SH2B2: variants seen among roughly 807,000 people sequenced by gnomAD.
SH2B2 encodes SH2B adapter protein 2.
SH2B2 carries 37 observed loss-of-function variants against 35.7 expected under a neutral mutation model. That is an observed-to-expected ratio of 1.04 (90% confidence interval 0.80 to 1.36). SH2B2 has a LOEUF of 1.36. Ranked by LOEUF, SH2B2 falls within the 40% of genes most tolerant of loss-of-function variation. The pLI is 0.00. For synonymous variants in SH2B2, 383 were observed against 376.4 expected (o/e 1.02, Z -0.20); for missense variants, 852 against 817.7 (o/e 1.04, Z -0.51).
chr7:102,300,465 CA>C (rs1257500100), intron 1 of SH2B2, 56 bp from the exon 2 acceptor site: 1 of 1,469,912 alleles, frequency 6.8e-7, no homozygotes, highest in Admixed American at 2.3e-5. Context: ...AAGGAGGGGA[CA>C]GGTGGGCGCA....
At chr7:102,303,836 C>T (rs976507990) in intron 2 of SH2B2, among the ~76,000 whole-genome samples, 1 of 152,296 alleles carries the variant, frequency 6.6e-6, no homozygotes, top group South Asian at 2.1e-4. Context: ...CTGCTGCCCT[C>T]GGAGAAGGGG....
At chr7:102,293,666 A>AG (rs1309379629) in intron 1 of SH2B2, among the ~76,000 whole-genome samples, 1 of 151,900 alleles carries the variant, frequency 6.6e-6, no homozygotes, top group African/African-American at 2.4e-5. Context: ...GCAGCCTGTG[A>AG]GGGGGAGAGG....
intron 7 of SH2B2, among the ~76,000 whole-genome samples, chr7:102,318,330 G>C (rs1205047712): frequency 6.6e-6 from 1 of 152,074 alleles, no homozygotes; most frequent in African/African-American, 2.4e-5. Flanking sequence ...GTAGAGACAG[G>C]GTTTCACCAT....
intron 8 of SH2B2, 86 bp downstream of exon 8, chr7:102,320,588 G>A (rs981388269): frequency 4.5e-5 from 67 of 1,473,038 alleles, no homozygotes; most frequent in Non-Finnish European, 4.4e-5. Flanking sequence ...GGTGGGATGA[G>A]CCCCAGGTCT....
rs1416865145 is a variant in SH2B2, at chr7:102,297,427, A to ACG, written c.-29-3094_-29-3093insGC. ...CACACACACACACACACACACACACACACGCAGTATACAGAGGTTCAGTAT... is the reference window on the plus strand; with the variant it reads ...CACACACACACACACACACACACACACGCACGCAGTATACAGAGGTTCAGTAT... On this transcript the variant is annotated intron_variant, in intron 1 of 8. Transcript: ENST00000444095. The surrounding 1 kb of genome is among the most constrained non-coding windows in gnomAD (Gnocchi z 4.3). Among the ~76,000 whole-genome samples, 3 of 151,612 alleles carry ACG rather than the reference A, an allele frequency of 2.0e-5. No homozygotes were observed. The highest frequency in any genetic ancestry group is 4.9e-5 in the African/African-American group (2 of 41,104).
At chr7:102,295,021 C>CT (rs1792847935) in intron 1 of SH2B2, among the ~76,000 whole-genome samples, 2 of 152,160 alleles carry the variant, frequency 1.3e-5, no homozygotes, top group South Asian at 4.1e-4. Flanking sequence ...AGATTCCTCT[C>CT]TAAGTTCCAC....
At chr7:102,308,397 G>T (rs1287033469) in intron 3 of SH2B2, among the ~76,000 whole-genome samples, 1 of 152,212 alleles carries the variant, frequency 6.6e-6, no homozygotes, top group East Asian at 1.9e-4. Flanking sequence ...CAGGCACTAA[G>T]ACATGCAAGC....
chr7:102,314,433 TAGGGGGAC>T lies in SH2B2; in HGVS notation c.1015+11_1015+18del. On this transcript the variant is annotated splice_region_variant and intron_variant, in intron 5 of 8. Coordinates refer to ENST00000444095, the MANE Select transcript of SH2B2 (RefSeq NM_001359228.2). ...CTGTGAGCTCCTGACTGATGGTAGG[TAGGGGGAC>T]AGGGTTGAAGGAGGGGCACACTCAG... is the stretch of plus-strand genomic sequence containing the variant. 2.5e-6 allele frequency: 1 copy of T among 398,576 alleles called. No homozygotes were observed. Among genetic ancestry groups the T allele is most frequent in the East Asian group, 3.6e-5 (1 of 28,088 alleles). 24.7% of individuals were successfully genotyped at this position (398,576 alleles called of 1,614,324 possible). A position where few individuals can be genotyped will look rare whatever the true frequency, so the allele number is the denominator to read the frequency against.
intron 1 of SH2B2, among the ~76,000 whole-genome samples, chr7:102,298,863 T>C (rs1793022368): frequency 6.6e-6 from 1 of 151,402 alleles, no homozygotes; most frequent in South Asian, 2.1e-4. Flanking sequence ...TGTAAGCCAA[T>C]GTGCCCGGCC....
At chr7:102,285,780 G>C (rs1792420770), upstream of SH2B2, among the ~76,000 whole-genome samples, 1 of 152,240 alleles carries the variant, frequency 6.6e-6, no homozygotes. Context: ...ACTGCCAGAG[G>C]TGGGGGCAGG....
chr7:102,306,369 G>A (rs1350190458), intron 2 of SH2B2, among the ~76,000 whole-genome samples: 1 of 152,050 alleles, frequency 6.6e-6, no homozygotes, highest in Admixed American at 6.6e-5. Context: ...GATTACAGGC[G>A]TGAGCCACCG....
intron 1 of SH2B2, among the ~76,000 whole-genome samples, chr7:102,290,381 C>T (rs1276966508): frequency 6.6e-6 from 1 of 151,810 alleles, no homozygotes; most frequent in Non-Finnish European, 1.5e-5. Context: ...TCTCATGCCT[C>T]AGCCTTCTGA....
At chr7:102,300,134 C>T (rs1793085310) in intron 1 of SH2B2, among the ~76,000 whole-genome samples, 1 of 152,234 alleles carries the variant, frequency 6.6e-6, no homozygotes, top group Non-Finnish European at 1.5e-5. Flanking sequence ...AGCAGTTCTC[C>T]TGCCTCAGCC....
chr7:102,308,907 G>A lies in SH2B2; in HGVS notation c.923+1G>A. ...ACATCCAGGGCTGCGTGGACCCCGG[G>A]TGAGTGTCCAAGTGGCCCGAAGATG... On this transcript the variant is annotated splice_donor_variant, in intron 4 of 8. Transcript: ENST00000444095. LOFTEE classifies it high-confidence loss of function. 6.2e-7 allele frequency: 1 copy of A among 1,612,796 alleles called. No homozygotes were observed. The highest frequency in any genetic ancestry group is 8.5e-7 in the Non-Finnish European group (1 of 1,179,144).
intron 4 of SH2B2, chr7:102,309,168 C>T: frequency 1.7e-6 from 1 of 592,210 alleles, no homozygotes; most frequent in Non-Finnish European, 3.2e-6. Context: ...TGTCTTCACC[C>T]CAAGAGAGCC....
rs1161284951 is a variant in SH2B2 at position 102,321,474 on chromosome 7, C to A, written c.1743C>A (p.Ala581=). The A allele has an allele frequency of 1.7e-6, 2 of 1,186,632 alleles. No individual in the cohort carries two copies. The highest frequency in any genetic ancestry group is 2.1e-6 in the Non-Finnish European group (2 of 957,012). The allele number at this position is 1,186,632 out of a possible 1,614,324, so 73.5% of individuals were successfully genotyped here. The part of the protein sequence containing the change: ...ASSSSAASGP[A]PPRPVEGQLS... ...CGTCCTCTGCCGCGTCGGGGCCCGC[C>A]CCCCCGCGCCCCGTCGAGGGCCAGC... The change falls in exon 9 of 9, where the codon GCC becomes GCA. Residue 581 remains alanine (A), a synonymous_variant. Transcript: ENST00000444095.
chr7:102,312,075 C>CA lies in SH2B2; in HGVS notation c.924-2245dup, dbSNP rs35504215. ...TGGGTGACAGAGTGAGACTCAGTCTCAAAAAAAAAAAAAAAATCCCAGGCA... is the reference window on the plus strand; with the variant it reads ...TGGGTGACAGAGTGAGACTCAGTCTCAAAAAAAAAAAAAAAAATCCCAGGCA... On this transcript the variant is annotated intron_variant, in intron 4 of 8. Transcript: ENST00000444095. Among the ~76,000 whole-genome samples, 619 of 93,184 alleles carry CA rather than the reference C, an allele frequency of 6.6e-3. 4 individuals carry two copies. Among genetic ancestry groups the CA allele is most frequent in the African/African-American group, 0.011 (289 of 25,144 alleles). 61.1% of individuals were successfully genotyped at this position (93,184 alleles called of 152,430 possible).
Position 102,297,355 on chromosome 7 carries a change from T to C in SH2B2, c.-29-3167T>C, listed in dbSNP as rs1554552641. On this transcript the variant is annotated intron_variant, in intron 1 of 8. Transcript: ENST00000444095. This position sits in a 1 kb window ranked among gnomAD's most constrained non-coding sequence, Gnocchi z 4.3. ...CCAGAGGATTGCTTGAACCCAGGAG[T>C]TCAAGACCAGCCTCATCAATAGAGT... 1.3e-5 allele frequency among the ~76,000 whole-genome samples: 2 copies of C among 149,074 alleles called. No homozygotes were observed. The highest frequency in any genetic ancestry group is 3.0e-5 in the Non-Finnish European group (2 of 67,526).
At chr7:102,305,347 C>A (rs1216129773) in intron 2 of SH2B2, among the ~76,000 whole-genome samples, 1 of 152,108 alleles carries the variant, frequency 6.6e-6, no homozygotes, top group Non-Finnish European at 1.5e-5. Context: ...CTCACTGCAA[C>A]CTCCACCTCC....
Sources: gnomAD v4.1 joint callset for allele counts (sites outside exome capture counted in the v4.1 genomes callset) on GRCh38, gnomAD v4.1.1 for gene constraint, Gnocchi (gnomAD v3.1) non-coding constraint, MANE v1.5 for transcripts, NCBI Gene and HGNC (gene_info 2026-07-23, HGNC 2026-07-21) for gene names.